Variants in PPP1R13B observed in about 807,000 individuals in gnomAD.
PPP1R13B encodes the protein apoptosis-stimulating of p53 protein 1.
PPP1R13B carries 44 observed loss-of-function variants against 119.8 expected under a neutral mutation model. The ratio of observed to expected loss-of-function variants is 0.37; its 90% confidence interval spans 0.29 to 0.47. The LOEUF (loss-of-function observed/expected upper bound fraction) is 0.47. PPP1R13B is among the 20% of genes least tolerant of loss of function. The pLI, the probability that PPP1R13B is intolerant of heterozygous loss-of-function variation, is 0.99. For missense variants in PPP1R13B, 1,227 were observed against 1,413.5 expected, an observed-to-expected ratio of 0.87 and a Z score of 2.12; for synonymous variants, 542 against 561.5, an observed-to-expected ratio of 0.97 and a Z score of 0.49.
chr14:103,761,330 GA>G (rs1435333595), intron 4 of PPP1R13B, among the ~76,000 whole-genome samples: 2 of 124,252 alleles, frequency 1.6e-5, no homozygotes, highest in Non-Finnish European at 3.5e-5. Context: ...AAGTAGTAAA[GA>G]CTACAATTTT....
chr14:103,809,664 C>G (rs1318581503), intron 1 of PPP1R13B, among the ~76,000 whole-genome samples: 1 of 151,730 alleles, frequency 6.6e-6, no homozygotes, highest in African/African-American at 2.4e-5. Flanking sequence ...CTACAAAAAG[C>G]ACAAAAAATT....
At chr14:103,802,104 G>C (rs933636927) in intron 1 of PPP1R13B, among the ~76,000 whole-genome samples, 6 of 152,118 alleles carry the variant, frequency 3.9e-5, no homozygotes, top group African/African-American at 1.4e-4. Flanking sequence ...CTGGAATATA[G>C]TTTTATTCTT....
chr14:103,775,521 T>C (rs370440384), intron 4 of PPP1R13B, among the ~76,000 whole-genome samples: 7 of 152,280 alleles, frequency 4.6e-5, no homozygotes, highest in African/African-American at 1.7e-4. Context: ...GTGATCCGCC[T>C]ACCTTGGCCT....
intron 2 of PPP1R13B, among the ~76,000 whole-genome samples, chr14:103,785,983 A>G (rs2085453491): frequency 6.6e-6 from 1 of 152,230 alleles, no homozygotes; most frequent in Non-Finnish European, 1.5e-5. Context: ...TAAATCCTAT[A>G]TAACTAAATG....
At chr14:103,826,872 CGTGGTGGCAG>C (rs1046582061) in intron 1 of PPP1R13B, among the ~76,000 whole-genome samples, 48 of 150,620 alleles carry the variant, frequency 3.2e-4, no homozygotes, top group African/African-American at 9.3e-4. Flanking sequence ...ATTAGCTGGG[CGTGGTGGCAG>C]GCGCCTGTAG....
intron 15 of PPP1R13B, chr14:103,736,506 C>T: frequency 2.2e-6 from 1 of 455,984 alleles, no homozygotes; most frequent in Admixed American, 3.6e-5. Flanking sequence ...GCAATCACAG[C>T]CAGAACAGAT....
chr14:103,779,145 C>G (rs568137695), intron 3 of PPP1R13B, among the ~76,000 whole-genome samples: 33 of 150,352 alleles, frequency 2.2e-4, no homozygotes, highest in African/African-American at 8.1e-4. Flanking sequence ...TTAAAATTAG[C>G]CGGGTATGGT....
chr14:103,746,293 C>T, intron 9 of PPP1R13B, 80 bp downstream of exon 9: 1 of 187,988 alleles, frequency 5.3e-6, no homozygotes, highest in Admixed American at 5.5e-5. Flanking sequence ...CAGGAGCCTG[C>T]CCCACCCCCC....
At chr14:103,790,920 A>G (rs896233780) in intron 2 of PPP1R13B, among the ~76,000 whole-genome samples, 1 of 152,188 alleles carries the variant, frequency 6.6e-6, no homozygotes, top group Non-Finnish European at 1.5e-5. Flanking sequence ...CTTAAGATTT[A>G]TAACTCTAAA....
chr14:103,744,346 C>A (rs1304932323), intron 9 of PPP1R13B, among the ~76,000 whole-genome samples: 1 of 152,056 alleles, frequency 6.6e-6, no homozygotes, highest in Non-Finnish European at 1.5e-5. Context: ...TAAAAACAAA[C>A]AAAAAACCCT....
At chr14:103,812,016 A>G (rs1383907696) in intron 1 of PPP1R13B, among the ~76,000 whole-genome samples, 4 of 131,482 alleles carry the variant, frequency 3.0e-5, no homozygotes, top group Admixed American at 2.5e-4. Flanking sequence ...GCTGAGATTG[A>G]GCCACTACAC....
chr14:103,838,047 A>G (rs2086817606), intron 1 of PPP1R13B, among the ~76,000 whole-genome samples: 2 of 151,404 alleles, frequency 1.3e-5, no homozygotes, highest in Admixed American at 1.3e-4. Flanking sequence ...TGAACCTAGG[A>G]GGCGAAGGTT....
chr14:103,841,346 G>A (rs2086903473), intron 1 of PPP1R13B, among the ~76,000 whole-genome samples: 1 of 152,038 alleles, frequency 6.6e-6, no homozygotes, highest in East Asian at 1.9e-4. Flanking sequence ...CCAGCACTCT[G>A]AGAGGCCGAG....
chr14:103,756,883 C>T (rs1038023831), intron 5 of PPP1R13B, among the ~76,000 whole-genome samples: 1 of 151,914 alleles, frequency 6.6e-6, no homozygotes, highest in African/African-American at 2.4e-5. Flanking sequence ...CTGAGCCTCC[C>T]GAGTAGCTGG....
intron 1 of PPP1R13B, among the ~76,000 whole-genome samples, chr14:103,816,687 A>T (rs2152064979): frequency 6.6e-6 from 1 of 150,626 alleles, no homozygotes; most frequent in East Asian, 2.0e-4. Flanking sequence ...AAAAAAAAAA[A>T]TTATTTCCTT....
chr14:103,757,038 A>T (rs952404084), intron 5 of PPP1R13B, among the ~76,000 whole-genome samples: 4 of 151,526 alleles, frequency 2.6e-5, no homozygotes, highest in African/African-American at 9.7e-5. Context: ...CTGGGATTAC[A>T]GGAGTGAGCC....
intron 8 of PPP1R13B, among the ~76,000 whole-genome samples, chr14:103,747,709 T>C (rs1277578255): frequency 6.6e-6 from 1 of 152,228 alleles, no homozygotes; most frequent in Non-Finnish European, 1.5e-5. Context: ...GTCATTGTTA[T>C]GCCTTTGCAT....
At chr14:103,840,229 A>G (rs1016425915) in intron 1 of PPP1R13B, 10 of 152,226 alleles carry the variant, frequency 6.6e-5, no homozygotes, top group Admixed American at 2.6e-4. Flanking sequence ...TGACAACAGC[A>G]TTTCAAGGCA....
intron 8 of PPP1R13B, among the ~76,000 whole-genome samples, chr14:103,749,013 G>A (rs556222137): frequency 2.6e-5 from 4 of 152,282 alleles, no homozygotes; most frequent in South Asian, 4.1e-4. Context: ...CACCTCTAGA[G>A]AACAGGGTGG....
Sources: allele counts gnomAD v4.1 joint callset (sites outside exome capture counted in the v4.1 genomes callset), GRCh38; gene constraint gnomAD v4.1.1; transcripts MANE v1.5; gene names NCBI Gene and HGNC (gene_info 2026-07-23, HGNC 2026-07-21).